SNX7: variants seen among roughly 807,000 people sequenced by gnomAD.
The protein encoded by SNX7 is sorting nexin 7.
Under a neutral mutation model 48.4 loss-of-function variants are expected in SNX7, and 35 were observed. That is an observed-to-expected ratio of 0.72 (90% confidence interval 0.55 to 0.96). The LOEUF (loss-of-function observed/expected upper bound fraction) is 0.96, where lower values mean the gene tolerates loss of function less well. SNX7 is among the 40% of genes least tolerant of loss of function. The probability of loss-of-function intolerance (pLI) is 0.00; values close to 1 mark genes in which losing one functional copy is unlikely to be tolerated. For synonymous variants in SNX7, 190 were observed against 190.2 expected, an observed-to-expected ratio of 1.00 and a Z score of 0.01; for missense variants, 553 against 548.9, an observed-to-expected ratio of 1.01 and a Z score of -0.07.
chr1:98,734,563 A>C (rs1469470279), intron 7 of SNX7, among the ~76,000 whole-genome samples: 3 of 152,174 alleles, frequency 2.0e-5, no homozygotes, highest in Non-Finnish European at 4.4e-5. Flanking sequence ...AATTTGTAAC[A>C]TGCTTATGCA....
chr1:98,725,958 G>A (rs1364505895), intron 7 of SNX7, among the ~76,000 whole-genome samples: 1 of 152,150 alleles, frequency 6.6e-6, no homozygotes, highest in Non-Finnish European at 1.5e-5. Flanking sequence ...GGAGCTTACT[G>A]AGTTATTAAT....
At chr1:98,666,885 A>G (rs1649564741) in intron 1 of SNX7, among the ~76,000 whole-genome samples, 1 of 152,236 alleles carries the variant, frequency 6.6e-6, no homozygotes, top group African/African-American at 2.4e-5. Flanking sequence ...AACCCATGTT[A>G]CATTGAAACC....
chr1:98,730,411 C>T (rs2101022931), intron 7 of SNX7, among the ~76,000 whole-genome samples: 1 of 152,162 alleles, frequency 6.6e-6, no homozygotes, highest in African/African-American at 2.4e-5. Context: ...CTGGCCGGGG[C>T]AGTCAGGCAA....
chr1:98,713,273 A>G (rs1652417382), intron 7 of SNX7, among the ~76,000 whole-genome samples: 1 of 152,092 alleles, frequency 6.6e-6, no homozygotes, highest in Non-Finnish European at 1.5e-5. Context: ...AACCTAGTGA[A>G]CCAACCTCTG....
intron 8 of SNX7, among the ~76,000 whole-genome samples, chr1:98,746,393 T>C (rs1053436422): frequency 3.9e-5 from 6 of 152,188 alleles, no homozygotes; most frequent in Admixed American, 6.6e-5. Flanking sequence ...GTTATACTGT[T>C]TCATTTTGTT....
chr1:98,693,473 G>A (rs902888096), intron 4 of SNX7, among the ~76,000 whole-genome samples: 2 of 152,208 alleles, frequency 1.3e-5, no homozygotes, highest in Non-Finnish European at 2.9e-5. Context: ...CTCTATGGAA[G>A]CCCTTTGTGA....
intron 7 of SNX7, among the ~76,000 whole-genome samples, chr1:98,709,577 C>T (rs1325962003): frequency 6.6e-6 from 1 of 152,128 alleles, no homozygotes; most frequent in Non-Finnish European, 1.5e-5. Context: ...ACATCAACAG[C>T]ACTATTTTAT....
intron 6 of SNX7, among the ~76,000 whole-genome samples, chr1:98,699,901 G>A (rs1039374361): frequency 3.3e-5 from 5 of 152,066 alleles, no homozygotes; most frequent in Non-Finnish European, 1.5e-5. Flanking sequence ...AAAAGCCTTC[G>A]ATGTTTCACT....
chr1:98,685,739 A>C (rs929017804), intron 2 of SNX7, among the ~76,000 whole-genome samples: 3 of 152,162 alleles, frequency 2.0e-5, no homozygotes, highest in African/African-American at 7.2e-5. Context: ...TAAATGTAAA[A>C]AGTACATCTC....
chr1:98,760,168 G>A lies in SNX7; in HGVS notation c.*37G>A. 6.9e-7 allele frequency: 1 copy of A among 1,458,460 alleles called. No individual in the cohort carries two copies. Among genetic ancestry groups the A allele is most frequent in the Non-Finnish European group, 9.6e-7 (1 of 1,039,476 alleles). The allele number at this position is 1,458,460 out of a possible 1,614,324, so 90.3% of individuals were successfully genotyped here. ...ACTTCTGTTTGATCTTTGGGAGACA[G>A]CATTTATTAACCAAAGTTATTCTTT... is the stretch of plus-strand genomic sequence containing the variant. On this transcript the variant is annotated 3_prime_UTR_variant, in exon 9 of 9. Coordinates refer to ENST00000306121, the MANE Select transcript of SNX7 (RefSeq NM_015976.5).
intron 7 of SNX7, among the ~76,000 whole-genome samples, chr1:98,729,521 A>G (rs1410301212): frequency 6.6e-6 from 1 of 151,628 alleles, no homozygotes; most frequent in Non-Finnish European, 1.5e-5. Context: ...AATTAATATT[A>G]GTAATGAAGA....
At chr1:98,739,230 A>G (rs1653947590) in intron 8 of SNX7, among the ~76,000 whole-genome samples, 1 of 152,114 alleles carries the variant, frequency 6.6e-6, no homozygotes, top group Admixed American at 6.6e-5. Context: ...CTGATCTGAT[A>G]GGGAGTAGAG....
At chr1:98,704,203 A>T (rs1346360417) in intron 7 of SNX7, among the ~76,000 whole-genome samples, 1 of 152,140 alleles carries the variant, frequency 6.6e-6, no homozygotes, top group Admixed American at 6.6e-5. Context: ...TGTGTGTGTC[A>T]TGTCTACTCT....
intron 1 of SNX7, among the ~76,000 whole-genome samples, chr1:98,679,336 CAT>C (rs143536160): frequency 0.031 from 4,731 of 152,254 alleles, 117 homozygotes; most frequent in Middle Eastern, 0.058. Flanking sequence ...TCCCACAACA[CAT>C]GAGAATTGTG....
chr1:98,757,518 C>T (rs944407892), intron 8 of SNX7, among the ~76,000 whole-genome samples: 1 of 151,964 alleles, frequency 6.6e-6, no homozygotes, highest in Non-Finnish European at 1.5e-5. Context: ...AGGGCTCACC[C>T]ACATGACCTT....
intron 1 of SNX7, among the ~76,000 whole-genome samples, chr1:98,678,501 A>C (rs945386332): frequency 6.6e-6 from 1 of 152,190 alleles, no homozygotes; most frequent in African/African-American, 2.4e-5. Context: ...TGGTTTTGTA[A>C]ATACCAATCT....
intron 8 of SNX7, among the ~76,000 whole-genome samples, chr1:98,739,372 G>A (rs528700609): frequency 3.3e-5 from 5 of 152,116 alleles, no homozygotes; most frequent in South Asian, 2.1e-4. Flanking sequence ...GTGCTTATCC[G>A]TTTAAAAGAA....
At chr1:98,685,877 T>G (rs1425089540) in intron 2 of SNX7, among the ~76,000 whole-genome samples, 1 of 152,136 alleles carries the variant, frequency 6.6e-6, no homozygotes, top group African/African-American at 2.4e-5. Flanking sequence ...ATTCTTAAAA[T>G]CCTTTCTTGG....
intron 7 of SNX7, among the ~76,000 whole-genome samples, chr1:98,729,177 G>C (rs1358865965): frequency 6.6e-6 from 1 of 152,160 alleles, no homozygotes; most frequent in Non-Finnish European, 1.5e-5. Flanking sequence ...TGAACAACCT[G>C]CTTCTGATTG....
Sources: gnomAD v4.1 joint callset for allele counts (sites outside exome capture counted in the v4.1 genomes callset) on GRCh38, gnomAD v4.1.1 for gene constraint, MANE v1.5 for transcripts, NCBI Gene and HGNC (gene_info 2026-07-23, HGNC 2026-07-21) for gene names.